Variants in ABCB11 observed in about 807,000 individuals in gnomAD.
ABCB11 encodes the protein bile salt export pump.
Under a neutral mutation model 148.0 loss-of-function variants are expected in ABCB11, and 95 were observed. The ratio of observed to expected loss-of-function variants is 0.64; its 90% CI spans 0.54 to 0.76. The LOEUF (loss-of-function observed/expected upper bound fraction) is 0.76, where lower values mean the gene tolerates loss of function less well. ABCB11 is among the 30% of genes least tolerant of loss of function. The probability of loss-of-function intolerance (pLI) is 0.00; values close to 1 mark genes in which losing one functional copy is unlikely to be tolerated. For missense variants in ABCB11, 1,523 were observed against 1,617.8 expected (o/e 0.94, Z 1.01); for synonymous variants, 591 against 555.4 (o/e 1.06, Z -0.90).
At chr2:168,988,470 T>C (rs149718272) in intron 9 of ABCB11, among the ~76,000 whole-genome samples, 3 of 152,230 alleles carry the variant, frequency 2.0e-5, no homozygotes, top group Admixed American at 1.3e-4. Flanking sequence ...TTCTATTGAA[T>C]ATGGCATGTA....
intron 1 of ABCB11, among the ~76,000 whole-genome samples, chr2:169,030,252 C>A (rs573104683): frequency 1.3e-5 from 2 of 152,082 alleles, no homozygotes; most frequent in African/African-American, 4.8e-5. Context: ...AAGGGGCTTG[C>A]AATCTAGAGT....
chr2:168,995,132 G>T (rs946359197), intron 7 of ABCB11, among the ~76,000 whole-genome samples: 2 of 151,710 alleles, frequency 1.3e-5, no homozygotes, highest in African/African-American at 4.8e-5. Flanking sequence ...TTTAATTAAG[G>T]TCTACACACC....
chr2:168,965,734 C>A (rs540007762), intron 17 of ABCB11, among the ~76,000 whole-genome samples: 1 of 151,938 alleles, frequency 6.6e-6, no homozygotes, highest in South Asian at 2.1e-4. Flanking sequence ...TTAGTGCCAT[C>A]TAGATGAATC....
intron 17 of ABCB11, among the ~76,000 whole-genome samples, chr2:168,966,078 T>A (rs1446602273): frequency 6.6e-6 from 1 of 151,776 alleles, no homozygotes; most frequent in Non-Finnish European, 1.5e-5. Flanking sequence ...AGAGACTCCC[T>A]CCCACCTAGC....
At chr2:168,925,266 C>T (rs533963506) in intron 26 of ABCB11, among the ~76,000 whole-genome samples, 1 of 152,362 alleles carries the variant, frequency 6.6e-6, no homozygotes, top group Non-Finnish European at 1.5e-5. Context: ...AGAAGCTCCA[C>T]TCTGCTGCTT....
chr2:168,995,140 A>G (rs902046496), intron 7 of ABCB11, among the ~76,000 whole-genome samples: 1 of 152,046 alleles, frequency 6.6e-6, no homozygotes, highest in African/African-American at 2.4e-5. Flanking sequence ...AGGTCTACAC[A>G]CCAAATTGCA....
At chr2:168,938,902 T>A (rs1461363927) in intron 21 of ABCB11, among the ~76,000 whole-genome samples, 1 of 151,958 alleles carries the variant, frequency 6.6e-6, no homozygotes, top group Non-Finnish European at 1.5e-5. Flanking sequence ...AATATATACA[T>A]ATATTTTAAT....
At chr2:168,972,535 A>G (rs796086123) in intron 13 of ABCB11, among the ~76,000 whole-genome samples, 13 of 152,194 alleles carry the variant, frequency 8.5e-5, no homozygotes, top group African/African-American at 3.1e-4. Flanking sequence ...GTGGGAGCAA[A>G]TAAAAATCAC....
At chr2:168,927,627 G>T (rs1691375525) in intron 25 of ABCB11, among the ~76,000 whole-genome samples, 1 of 152,164 alleles carries the variant, frequency 6.6e-6, no homozygotes, top group Non-Finnish European at 1.5e-5. Context: ...AAACGAGAAA[G>T]ACGCTCAGGT....
chr2:168,983,764 C>A (rs181283937), intron 10 of ABCB11, among the ~76,000 whole-genome samples: 3 of 152,012 alleles, frequency 2.0e-5, no homozygotes, highest in Admixed American at 1.3e-4. Context: ...AAGCTCTCAG[C>A]TAGCAAATTT....
chr2:168,961,855 T>G (rs760822139), intron 18 of ABCB11, among the ~76,000 whole-genome samples: 4 of 151,704 alleles, frequency 2.6e-5, no homozygotes, highest in Non-Finnish European at 5.9e-5. Flanking sequence ...TGAATCGACC[T>G]TTAGCACCGT....
intron 5 of ABCB11, among the ~76,000 whole-genome samples, chr2:169,007,441 G>T (rs778956719): frequency 5.9e-5 from 9 of 152,184 alleles, no homozygotes; most frequent in Non-Finnish European, 1.2e-4. Context: ...AAGAAAAGAG[G>T]TTTAGTTGGG....
In ABCB11 at chr2:168,976,545, T is replaced by C. The variant is rs1693914705; in HGVS notation, c.1308+32A>G. 7 of 1,261,312 alleles carry C rather than the reference T, an allele frequency of 5.5e-6. No individual in the cohort carries two copies. The Admixed American group carries it at 6.4e-5, about 12-fold the overall frequency. 78.1% of individuals were successfully genotyped at this position (1,261,312 alleles called of 1,614,324 possible). On this transcript the variant is annotated intron_variant, in intron 12 of 27. Coordinates refer to ENST00000650372, the MANE Select transcript of ABCB11 (RefSeq NM_003742.4). ...AAATAAATCATCGAAGAAGAAAACA[T>C]TTACTATTCTGGGGAACAGACCAGC...
intron 19 of ABCB11, among the ~76,000 whole-genome samples, chr2:168,949,082 C>T (rs1692451955): frequency 6.6e-6 from 1 of 151,742 alleles, no homozygotes; most frequent in African/African-American, 2.4e-5. Flanking sequence ...GGCCCCATCA[C>T]CTTGTACAAG....
intron 12 of ABCB11, among the ~76,000 whole-genome samples, chr2:168,976,033 AT>A (rs1425546705): frequency 6.6e-6 from 1 of 151,978 alleles, no homozygotes; most frequent in Non-Finnish European, 1.5e-5. Flanking sequence ...GCAGGAAATA[AT>A]TTTTTTCACC....
At chr2:169,009,387 AC>A (rs1473907904) in intron 5 of ABCB11, among the ~76,000 whole-genome samples, 1 of 152,106 alleles carries the variant, frequency 6.6e-6, no homozygotes, top group Non-Finnish European at 1.5e-5. Context: ...ACCATGGAAT[AC>A]TATGCAGCCA....
At chr2:168,983,632 A>T (rs3770596) in intron 10 of ABCB11, among the ~76,000 whole-genome samples, 79,138 of 152,044 alleles carry the variant, frequency 0.52, 21,106 homozygotes, top group African/African-American at 0.59. Flanking sequence ...TTAATGAAAT[A>T]AAGTCCGTGG....
Position 168,929,906 on chromosome 2 carries a change from A to C in ABCB11, c.3411+759T>G, listed in dbSNP as rs146572550. Among the ~76,000 whole-genome samples, 745 of 152,304 alleles carry C rather than the reference A, an allele frequency of 4.9e-3. 10 individuals are homozygous for C. The highest frequency in any genetic ancestry group is 0.017 in the African/African-American group (699 of 41,558). On this transcript the variant is annotated intron_variant, in intron 25 of 27. Transcript: ENST00000650372. ...ATTTGTTAAATCATGAAATAGCATG[A>C]GCATATTATTTAAAGACATAAAAGT... is the stretch of plus-strand genomic sequence containing the variant.
intron 5 of ABCB11, among the ~76,000 whole-genome samples, chr2:169,007,027 C>T (rs1385085713): frequency 1.3e-5 from 2 of 152,066 alleles, no homozygotes; most frequent in Non-Finnish European, 2.9e-5. Flanking sequence ...AGAAGTTAAA[C>T]AATTTATATG....
Sources: allele counts gnomAD v4.1 joint callset (sites outside exome capture counted in the v4.1 genomes callset), GRCh38; gene constraint gnomAD v4.1.1; transcripts MANE v1.5; gene names NCBI Gene and HGNC (gene_info 2026-07-23, HGNC 2026-07-21).